Variants in SMOX observed in about 807,000 individuals in gnomAD.
The protein encoded by SMOX is spermine oxidase.
In SMOX, 22 loss-of-function variants were observed where a neutral mutation model predicts 51.0. The ratio of observed to expected loss-of-function variants is 0.43; its 90% CI spans 0.31 to 0.62. The LOEUF is 0.62. SMOX is among the 20% of genes least tolerant of loss of function. The pLI is 0.10. For missense variants in SMOX, 566 were observed against 777.7 expected (o/e 0.73, Z 3.24); for synonymous variants, 282 against 307.8 (o/e 0.92, Z 0.88).
rs770347981 is a variant in SMOX at position 4,175,052 on chromosome 20, C to T, written c.-4C>T. On this transcript the variant is annotated 5_prime_UTR_variant, in exon 2 of 7. It adds an upstream start codon to the 5' untranslated region. Coordinates refer to ENST00000305958, the MANE Select transcript of SMOX (RefSeq NM_175839.3). ...CAGGTTCCTAGAAGGTGAGCGCGGA[C>T]GGTATGCAAAGTTGTGAATCCAGTG... The T allele has an allele frequency of 6.2e-6, 10 of 1,613,942 alleles. No homozygotes were observed. Among genetic ancestry groups the T allele is most frequent in the Non-Finnish European group, 7.6e-6 (9 of 1,179,998 alleles).
At position 4,175,149 on chromosome 20, in the gene SMOX, GC is replaced by G. The variant is rs756238175; in HGVS notation, c.96del (p.Gly33AlafsTer35). The G allele has an allele frequency of 6.2e-7, 1 of 1,614,202 alleles. No individual in the cohort carries two copies. The highest frequency in any genetic ancestry group is 1.1e-5 in the South Asian group (1 of 91,088). On this transcript the variant is annotated frameshift_variant, in exon 2 of 7. Coordinates refer to ENST00000305958, the MANE Select transcript of SMOX (RefSeq NM_175839.3). LOFTEE classifies it high-confidence loss of function. ...RGQPRVVVIG[A>X]GLAGLAAAKA... is the part of the protein sequence containing the mutation. ...ACAGCCTCGTGTGGTGGTGATCGGC[GC>G]CGGCTTGGCTGGCCTGGCTGCAGCC... is the stretch of plus-strand genomic sequence containing the variant.
rs1334937611 is a variant in SMOX at position 4,175,379 on chromosome 20, A to T, written c.208+116A>T. Reference sequence around the variant, plus strand: ...TTCTGGGATAAATGTTCCATCATGCATCCTGCCTGGGCATTTTCCAGAAGC... The same window carrying T: ...TTCTGGGATAAATGTTCCATCATGCTTCCTGCCTGGGCATTTTCCAGAAGC... On this transcript the variant is annotated intron_variant, in intron 2 of 6. Transcript: ENST00000305958. The T allele has an allele frequency of 4.9e-6, 6 of 1,235,396 alleles. No homozygotes were observed. In the Admixed American group the frequency reaches 9.4e-5, roughly 19 times the overall value. 76.5% of individuals were successfully genotyped at this position (1,235,396 alleles called of 1,614,324 possible). A position where few individuals can be genotyped will look rare whatever the true frequency, so the allele number is the denominator to read the frequency against.
rs1455978555 is a variant in SMOX at position 4,153,302 on chromosome 20, G to A, written c.-27+4325G>A. Among the ~76,000 whole-genome samples, 3 of 151,946 alleles carry A rather than the reference G, an allele frequency of 2.0e-5. No homozygotes were observed. Among genetic ancestry groups the A allele is most frequent in the East Asian group, 1.9e-4 (1 of 5,178 alleles). On this transcript the variant is annotated intron_variant, in intron 1 of 6. Coordinates refer to ENST00000305958, the MANE Select transcript of SMOX (RefSeq NM_175839.3). This position sits in a 1 kb window ranked among gnomAD's most constrained non-coding sequence, Gnocchi z 4.4. ...CCCTTCTGGGTTTAGCATTGCCCTC[G>A]TCATCTGCCTGTAAAATGGGATTAG... is the stretch of plus-strand genomic sequence containing the variant.
intron 1 of SMOX, among the ~76,000 whole-genome samples, chr20:4,159,603 G>T (rs1765011): frequency 6.6e-6 from 1 of 152,062 alleles, no homozygotes; most frequent in Non-Finnish European, 1.5e-5. Context: ...TGTATCTCAG[G>T]TGTATTCAGC....
rs188328691 is a variant in SMOX, at chr20:4,164,777, C to T, written c.-26-10253C>T. On this transcript the variant is annotated intron_variant, in intron 1 of 6. Transcript: ENST00000305958. ...TCAGGAGACTTTTTTTCTAAGGAAG[C>T]GGGCAGCTGTGAGCACCATCGCCTG... Among the ~76,000 whole-genome samples the T allele has an allele frequency of 2.6e-5, 4 of 152,180 alleles. No homozygotes were observed. The East Asian group carries it at 5.8e-4, about 22-fold the overall frequency.
At chr20:4,176,467 T>G (rs1482681609) in intron 2 of SMOX, among the ~76,000 whole-genome samples, 1 of 152,234 alleles carries the variant, frequency 6.6e-6, no homozygotes, top group Non-Finnish European at 1.5e-5. Flanking sequence ...GGAATCATTG[T>G]GACTATCTTG....
intron 2 of SMOX, among the ~76,000 whole-genome samples, chr20:4,176,437 G>C (rs753566023): frequency 6.6e-6 from 1 of 152,196 alleles, no homozygotes; most frequent in Non-Finnish European, 1.5e-5. Flanking sequence ...TTGCAAAGGG[G>C]TGTGTGTACA....
chr20:4,170,347 T>C lies in SMOX; in HGVS notation c.-26-4683T>C, dbSNP rs1002989630. ...AAAGTGCCAGGAGTTGGGTGGTGCC[T>C]CCTGTTTAGTTCTGGGCATTTCCAG... On this transcript the variant is annotated intron_variant, in intron 1 of 6. Transcript: ENST00000305958. This position sits in a 1 kb window ranked among gnomAD's most constrained non-coding sequence, Gnocchi z 4.6. 2.0e-5 allele frequency among the ~76,000 whole-genome samples: 3 copies of C among 152,102 alleles called. No homozygotes were observed. Among genetic ancestry groups the C allele is most frequent in the Admixed American group, 1.3e-4 (2 of 15,264 alleles).
At chr20:4,185,865 C>G (rs1291421356) in intron 6 of SMOX, among the ~76,000 whole-genome samples, 1 of 113,904 alleles carries the variant, frequency 8.8e-6, no homozygotes, top group African/African-American at 3.8e-5. Context: ...TGCACTCCAG[C>G]CTGGGTGACA....
At position 4,170,990 on chromosome 20, in the gene SMOX, C is replaced by T. The variant is rs976807951; in HGVS notation, c.-26-4040C>T. ...AATAACCTCAAGGCGTGGGTGCAGGCGCTGGGCAAGAGGCTCACACCCCCA... is the reference window on the plus strand; with the variant it reads ...AATAACCTCAAGGCGTGGGTGCAGGTGCTGGGCAAGAGGCTCACACCCCCA... On this transcript the variant is annotated intron_variant, in intron 1 of 6. Coordinates refer to ENST00000305958, the MANE Select transcript of SMOX (RefSeq NM_175839.3). The surrounding 1 kb of genome is among the most constrained non-coding windows in gnomAD (Gnocchi z 4.6). 2.6e-5 allele frequency among the ~76,000 whole-genome samples: 4 copies of T among 152,140 alleles called. No individual in the cohort carries two copies. The highest frequency in any genetic ancestry group is 2.1e-4 in the South Asian group (1 of 4,822).
chr20:4,177,900 G>T lies in SMOX; in HGVS notation c.435+323G>T, dbSNP rs1462204464. ...TTTTTCCTTTCTAGTCATTAGACCAGCATTTATCCAATAGAACTTTCCACA... is the reference window on the plus strand; with the variant it reads ...TTTTTCCTTTCTAGTCATTAGACCATCATTTATCCAATAGAACTTTCCACA... On this transcript the variant is annotated intron_variant, in intron 3 of 6. Transcript: ENST00000305958. This position sits in a 1 kb window ranked among gnomAD's most constrained non-coding sequence, Gnocchi z 4.3. 6.6e-6 allele frequency among the ~76,000 whole-genome samples: 1 copy of T among 151,988 alleles called. No individual in the cohort carries two copies. Among genetic ancestry groups the T allele is most frequent in the Admixed American group, 6.6e-5 (1 of 15,262 alleles).
intron 6 of SMOX, among the ~76,000 whole-genome samples, chr20:4,184,499 T>TAAA (rs11471728): frequency 1.0e-3 from 149 of 149,456 alleles, no homozygotes; most frequent in East Asian, 6.7e-3. Context: ...AACTGTACAC[T>TAAA]AAAAAAAAAA....
In SMOX at chr20:4,187,291, G is replaced by A. The variant is rs370133256; in HGVS notation, c.1552G>A (p.Gly518Ser). ...KTAPMQVLFS[G>S]EATHRKYYST... ...GCAGCCCATGCAGGTGCTGTTTTCC[G>A]GTGAGGCCACCCACCGCAAGTACTA... The change falls in exon 7 of 7, where the codon GGT becomes AGT. Residue 518 changes from glycine to serine, a missense_variant. Around this residue, in one of 3 missense-constraint regions of SMOX, gnomAD observed 347 missense variants for 481.8 expected, o/e 0.72. Transcript: ENST00000305958. The surrounding 1 kb of genome is among the most constrained non-coding windows in gnomAD (Gnocchi z 4.8). 6 of 1,613,932 alleles carry A rather than the reference G, an allele frequency of 3.7e-6. No individual in the cohort carries two copies. The highest frequency in any genetic ancestry group is 2.7e-5 in the African/African-American group (2 of 74,890).
Position 4,182,454 on chromosome 20 carries a change from G to A in SMOX, c.975G>A (p.Ala325=), listed in dbSNP as rs367642545. The A allele has an allele frequency of 8.7e-6, 14 of 1,600,040 alleles. No homozygotes were observed. The highest frequency in any genetic ancestry group is 3.4e-5 in the Admixed American group (2 of 59,328). The change falls in exon 5 of 7, where the codon GCG becomes GCA. Residue 325 remains alanine, a synonymous_variant. Transcript: ENST00000305958. This position sits in a 1 kb window ranked among gnomAD's most constrained non-coding sequence, Gnocchi z 8.4. ...VECEDCELIP[A]DHVIVTVSLG... ...GCGAGGACTGTGAGCTGATCCCGGC[G>A]GACCATGTGATTGTGACCGTGTCGC...
rs983553267 is a variant in SMOX at position 4,181,310 on chromosome 20, C to T, written c.436-493C>T. Among the ~76,000 whole-genome samples, 2 of 152,160 alleles carry T rather than the reference C, an allele frequency of 1.3e-5. No homozygotes were observed. The highest frequency in any genetic ancestry group is 2.4e-5 in the African/African-American group (1 of 41,424). On this transcript the variant is annotated intron_variant, in intron 3 of 6. Transcript: ENST00000305958. The surrounding 1 kb of genome is among the most constrained non-coding windows in gnomAD (Gnocchi z 5.6). The stretch of plus-strand genomic sequence containing the variant: ...ACAGGCCCAGGGAGGTGTCTCCAGT[C>T]GTCAGGGGCCCTTCTGCTGGCCAGG...
intron 1 of SMOX, among the ~76,000 whole-genome samples, chr20:4,158,135 C>T (rs924838977): frequency 2.1e-4 from 31 of 151,014 alleles, no homozygotes; most frequent in Non-Finnish European, 2.2e-4. Flanking sequence ...CTCCTGACCT[C>T]GTGATCCGCC....
rs1985838796 is a variant in SMOX, at chr20:4,153,004, GC to G, written c.-27+4029del. The stretch of plus-strand genomic sequence containing the variant: ...TCTCATGCCTCTCAGTTATGTGTCA[GC>G]CGAGGGCTTCCTAAGAAGAGGCTTT... On this transcript the variant is annotated intron_variant, in intron 1 of 6. Transcript: ENST00000305958. This position sits in a 1 kb window ranked among gnomAD's most constrained non-coding sequence, Gnocchi z 4.4. Among the ~76,000 whole-genome samples, 1 of 152,192 alleles carries G rather than the reference GC, an allele frequency of 6.6e-6. No individual in the cohort carries two copies. The highest frequency in any genetic ancestry group is 1.5e-5 in the Non-Finnish European group (1 of 68,040).
chr20:4,162,929 C>G (rs778635300), intron 1 of SMOX, among the ~76,000 whole-genome samples: 6 of 152,108 alleles, frequency 3.9e-5, no homozygotes, highest in Admixed American at 6.5e-5. Flanking sequence ...CTGTGTGTGT[C>G]GGTGTGTGAG....
intron 3 of SMOX, among the ~76,000 whole-genome samples, chr20:4,178,432 C>A (rs918411487): frequency 2.6e-5 from 4 of 152,142 alleles, no homozygotes; most frequent in Admixed American, 2.0e-4. Context: ...CCTTATTGCA[C>A]TGGTTAGTAT....
Sources: gnomAD v4.1 joint callset for allele counts (sites outside exome capture counted in the v4.1 genomes callset) on GRCh38, gnomAD v4.1.1 for gene constraint, gnomAD v4.1.1 regional missense constraint, Gnocchi (gnomAD v3.1) non-coding constraint, MANE v1.5 for transcripts, NCBI Gene and HGNC (gene_info 2026-07-23, HGNC 2026-07-21) for gene names.